Variants in LRMDA observed in about 807,000 individuals in gnomAD.
LRMDA encodes the protein leucine-rich melanocyte differentiation-associated protein.
Under a neutral mutation model 29.8 loss-of-function variants are expected in LRMDA, and 18 were observed. The observed-to-expected ratio is 0.60, with a 90% confidence interval of 0.42 to 0.90. The LOEUF (loss-of-function observed/expected upper bound fraction) is 0.90. Ranked by LOEUF, LRMDA falls within the 40% of genes least tolerant of loss-of-function variation. The pLI, the probability that LRMDA is intolerant of heterozygous loss-of-function variation, is 0.00. For missense variants in LRMDA, 273 were observed against 273.9 expected (o/e 1.00, Z 0.02); for synonymous variants, 125 against 109.4 (o/e 1.14, Z -0.89).
chr10:76,388,680 G>A (rs955148199), intron 6 of LRMDA, among the ~76,000 whole-genome samples: 6 of 152,224 alleles, frequency 3.9e-5, no homozygotes, highest in African/African-American at 1.4e-4. Context: ...AGGGGACACG[G>A]ATACCACCTT....
chr10:75,910,073 A>C (rs2132375687), intron 2 of LRMDA, among the ~76,000 whole-genome samples: 1 of 152,364 alleles, frequency 6.6e-6, no homozygotes, highest in Admixed American at 6.5e-5. Context: ...AATGTATCAT[A>C]GGAGAAACTT....
At chr10:76,490,116 G>T (rs188854590) in intron 6 of LRMDA, among the ~76,000 whole-genome samples, 37 of 151,922 alleles carry the variant, frequency 2.4e-4, no homozygotes, top group African/African-American at 8.9e-4. Context: ...AATTCTTCTT[G>T]TTATTGATTT....
intron 2 of LRMDA, among the ~76,000 whole-genome samples, chr10:75,542,375 C>T (rs1564796313): frequency 6.6e-6 from 1 of 151,998 alleles, no homozygotes; most frequent in Non-Finnish European, 1.5e-5. Context: ...AGTGTTTGCA[C>T]TTTCACAGAG....
At chr10:76,344,409 A>G (rs916895364) in intron 6 of LRMDA, among the ~76,000 whole-genome samples, 1 of 152,288 alleles carries the variant, frequency 6.6e-6, no homozygotes, top group Admixed American at 6.5e-5. Context: ...GACATTAAGA[A>G]CAGACATTCG....
intron 6 of LRMDA, among the ~76,000 whole-genome samples, chr10:76,527,423 C>G (rs900515318): frequency 3.3e-5 from 5 of 152,146 alleles, no homozygotes; most frequent in Non-Finnish European, 5.9e-5. Context: ...AACCTCTCTG[C>G]AGATTGAACT....
chr10:75,805,398 C>T (rs1235902848), intron 2 of LRMDA, among the ~76,000 whole-genome samples: 3 of 152,140 alleles, frequency 2.0e-5, no homozygotes, highest in African/African-American at 7.2e-5. Context: ...CTGAAGGAAC[C>T]TTGGAGGTTA....
At chr10:76,538,850 A>C (rs1325385629) in intron 6 of LRMDA, among the ~76,000 whole-genome samples, 1 of 152,114 alleles carries the variant, frequency 6.6e-6, no homozygotes, top group Non-Finnish European at 1.5e-5. Flanking sequence ...CTTTTATTAT[A>C]GTTATTTTTA....
chr10:75,787,786 T>C (rs1843497600), intron 2 of LRMDA, among the ~76,000 whole-genome samples: 1 of 152,158 alleles, frequency 6.6e-6, no homozygotes, highest in Admixed American at 6.5e-5. Flanking sequence ...TCCCAGCATT[T>C]TGGGAGGCTG....
At position 76,268,079 on chromosome 10, in the gene LRMDA, G is replaced by C. The variant is rs117144579; in HGVS notation, c.517-56322G>C. 3.2e-3 allele frequency among the ~76,000 whole-genome samples: 485 copies of C among 152,288 alleles called. 22 individuals carry two copies. The East Asian group carries it at 0.075, about 24-fold the overall frequency. ...AATTCTCAAACTTGAGGGGTGGGCT[G>C]TGTGTCAGAACATACTAGAGTGCCA... On this transcript the variant is annotated intron_variant, in intron 5 of 6. Transcript: ENST00000611255.
chr10:76,032,705 T>G (rs956031321), intron 2 of LRMDA, among the ~76,000 whole-genome samples: 1 of 151,988 alleles, frequency 6.6e-6, no homozygotes, highest in Non-Finnish European at 1.5e-5. Context: ...TGCAGGGAGT[T>G]CCAGGGGTGC....
intron 5 of LRMDA, among the ~76,000 whole-genome samples, chr10:76,118,443 T>A (rs938621891): frequency 1.3e-5 from 2 of 152,126 alleles, no homozygotes; most frequent in Admixed American, 1.3e-4. Context: ...GTGTGACAAA[T>A]AGTTTAATGA....
At chr10:76,046,156 C>T (rs1848435438) in intron 3 of LRMDA, among the ~76,000 whole-genome samples, 1 of 152,138 alleles carries the variant, frequency 6.6e-6, no homozygotes, top group African/African-American at 2.4e-5. Context: ...TCATATGTCT[C>T]TCGAAGTCAC....
chr10:76,554,870 G>GGT lies in LRMDA; in HGVS notation c.602-2313_602-2312dup, dbSNP rs72203665. ...TGGAGAGAGGGCACTCATGGTGGGT[G>GGT]GTGTGTGTGTGTGTGTGTGTGTGTG... On this transcript the variant is annotated intron_variant, in intron 6 of 6. Coordinates refer to ENST00000611255, the MANE Select transcript of LRMDA (RefSeq NM_001305581.2). Among the ~76,000 whole-genome samples, 570 of 150,612 alleles carry GGT rather than the reference G, an allele frequency of 3.8e-3. 8 individuals carry two copies. The highest frequency in any genetic ancestry group is 0.013 in the African/African-American group (527 of 40,890).
intron 5 of LRMDA, among the ~76,000 whole-genome samples, chr10:76,164,614 G>T (rs867647194): frequency 9.2e-5 from 14 of 152,262 alleles, no homozygotes; most frequent in South Asian, 4.1e-4. Flanking sequence ...TTCCTATCTG[G>T]CCCTTTACAG....
At chr10:75,768,030 T>C (rs1280717077) in intron 2 of LRMDA, among the ~76,000 whole-genome samples, 1 of 152,226 alleles carries the variant, frequency 6.6e-6, no homozygotes. Flanking sequence ...AGGGTCAGAT[T>C]GTCCCCTACA....
chr10:75,777,807 A>G (rs1316987248), intron 2 of LRMDA, among the ~76,000 whole-genome samples: 1 of 152,228 alleles, frequency 6.6e-6, no homozygotes, highest in East Asian at 1.9e-4. Flanking sequence ...GATGAAGGCT[A>G]TGTGACTTAA....
At chr10:75,646,240 T>G (rs760493963) in intron 2 of LRMDA, among the ~76,000 whole-genome samples, 11 of 152,220 alleles carry the variant, frequency 7.2e-5, no homozygotes, top group Non-Finnish European at 1.5e-4. Flanking sequence ...TGGATGACTA[T>G]CATCATTTAA....
chr10:76,463,901 A>G (rs1195607688), intron 6 of LRMDA, among the ~76,000 whole-genome samples: 1 of 149,762 alleles, frequency 6.7e-6, no homozygotes, highest in East Asian at 1.9e-4. Flanking sequence ...CCTGGCACAC[A>G]GTAGGTGCAA....
intron 5 of LRMDA, among the ~76,000 whole-genome samples, chr10:76,186,292 C>T (rs966291878): frequency 2.6e-5 from 4 of 152,200 alleles, no homozygotes; most frequent in Non-Finnish European, 5.9e-5. Flanking sequence ...TTAGCCCCCA[C>T]CCCCAGGGCA....
Sources: gnomAD v4.1 joint callset for allele counts (sites outside exome capture counted in the v4.1 genomes callset) on GRCh38, gnomAD v4.1.1 for gene constraint, MANE v1.5 for transcripts, NCBI Gene and HGNC (gene_info 2026-07-23, HGNC 2026-07-21) for gene names.